Variants in PWWP3A observed in about 807,000 individuals in gnomAD.
PWWP3A encodes PWWP domain-containing DNA repair factor 3A.
A neutral mutation model predicts 79.0 loss-of-function variants in PWWP3A; 53 were observed. The ratio of observed to expected loss-of-function variants is 0.67; its 90% CI spans 0.54 to 0.84. PWWP3A has a LOEUF of 0.84. PWWP3A is among the 40% of genes least tolerant of loss of function. The pLI, the probability that PWWP3A is intolerant of heterozygous loss-of-function variation, is 0.00. For missense variants in PWWP3A, 973 were observed against 948.0 expected (o/e 1.03, Z -0.35); for synonymous variants, 443 against 394.4 (o/e 1.12, Z -1.46).
rs550627310 is a variant in PWWP3A at position 1,368,824 on chromosome 19, C to T, written c.1423-441C>T. On this transcript the variant is annotated intron_variant, in intron 9 of 13. Transcript: ENST00000591337. This position sits in a 1 kb window ranked among gnomAD's most constrained non-coding sequence, Gnocchi z 4.7. ...AGGGGAGGTGTTTGCACCGTCGATG[C>T]GTTCAGACCAGCCCAAGCCTTCGGG... Among the ~76,000 whole-genome samples the T allele has an allele frequency of 4.7e-5, 7 of 150,022 alleles. No individual in the cohort carries two copies. In the South Asian group the frequency reaches 8.4e-4, roughly 18 times the overall value.
At chr19:1,355,336 C>T (rs1263760954) in intron 1 of PWWP3A, among the ~76,000 whole-genome samples, 1 of 151,966 alleles carries the variant, frequency 6.6e-6, no homozygotes, top group Non-Finnish European at 1.5e-5. Context: ...ACTCCTTTTC[C>T]CGTCCCTGCC....
At chr19:1,375,550 T>TATATAATTTC (rs2082357082) in intron 13 of PWWP3A, among the ~76,000 whole-genome samples, 1 of 2,398 alleles carries the variant, frequency 4.2e-4, no homozygotes, top group Non-Finnish European at 7.5e-4. Context: ...ATATATAAAA[T>TATATAATTTC]ATATATTATA....
At chr19:1,365,404 C>T (rs1167384475) in intron 7 of PWWP3A, among the ~76,000 whole-genome samples, 3 of 152,218 alleles carry the variant, frequency 2.0e-5, no homozygotes, top group African/African-American at 4.8e-5. Context: ...TCCCTTTATC[C>T]TCCTAAGACA....
intron 11 of PWWP3A, 70 bp from the exon 12 acceptor site, chr19:1,370,572 G>A (rs2082231208): frequency 1.2e-5 from 16 of 1,358,640 alleles, no homozygotes; most frequent in South Asian, 8.6e-5. Flanking sequence ...GCCTCCCATC[G>A]GCCCTGACCC....
intron 12 of PWWP3A, 157 bp downstream of exon 12, chr19:1,371,235 G>A (rs1166883844): frequency 3.5e-6 from 3 of 845,986 alleles, no homozygotes; most frequent in Non-Finnish European, 5.8e-6. Context: ...TCCTGTCAGT[G>A]CTGGGAAATG....
chr19:1,376,300 T>TGG (rs1212355249), intron 13 of PWWP3A, among the ~76,000 whole-genome samples: 4 of 91,778 alleles, frequency 4.4e-5, no homozygotes, highest in Non-Finnish European at 6.3e-5. Flanking sequence ...TGTTTGTTTT[T>TGG]TTTTTTGTTT....
intron 6 of PWWP3A, chr19:1,364,235 A>G (rs2082081857): frequency 1.1e-5 from 7 of 611,538 alleles, no homozygotes; most frequent in Non-Finnish European, 2.2e-5. Flanking sequence ...CACCCCTCCC[A>G]TCCCAAGGGT....
At chr19:1,359,326 G>C (rs1002527331) in intron 4 of PWWP3A, 2 of 152,118 alleles carry the variant, frequency 1.3e-5, no homozygotes, top group Non-Finnish European at 2.9e-5. Flanking sequence ...CCGAAAAACA[G>C]CTCTTGTTTA....
At chr19:1,374,558 C>T (rs929755863) in intron 13 of PWWP3A, among the ~76,000 whole-genome samples, 3 of 152,148 alleles carry the variant, frequency 2.0e-5, no homozygotes, top group Admixed American at 6.5e-5. Flanking sequence ...TCTGGTGCTG[C>T]GGCCGGTGTG....
In PWWP3A at chr19:1,378,193, C is replaced by T. The variant is rs567537989; in HGVS notation, c.*1617C>T. Reference sequence around the variant, plus strand: ...TTCGGGGACTCGGGGCGGCCAGTACCACCGCCTGAGGCGGGGCTCAGCAGC... The same window carrying T: ...TTCGGGGACTCGGGGCGGCCAGTACTACCGCCTGAGGCGGGGCTCAGCAGC... On this transcript the variant is annotated 3_prime_UTR_variant, in exon 14 of 14. Transcript: ENST00000591337. The T allele has an allele frequency of 6.6e-6, 1 of 152,424 alleles. No individual in the cohort carries two copies. The highest frequency in any genetic ancestry group is 2.1e-4 in the South Asian group (1 of 4,830). The allele number at this position is 152,424 out of a possible 1,614,324, so 9.4% of individuals were successfully genotyped here.
chr19:1,359,878 T>C (rs1241569772), intron 4 of PWWP3A: 3 of 339,762 alleles, frequency 8.8e-6, no homozygotes, highest in Non-Finnish European at 1.6e-5. Flanking sequence ...GAATTTATCT[T>C]TTTAGCCAAT....
intron 12 of PWWP3A, chr19:1,371,494 G>A (rs976787528): frequency 1.3e-5 from 9 of 674,054 alleles, no homozygotes; most frequent in Non-Finnish European, 2.2e-5. Flanking sequence ...AGTGGATAAT[G>A]CGCCTCATAC....
At position 1,362,311 on chromosome 19, in the gene PWWP3A, C is replaced by T. The variant is rs748823480; in HGVS notation, c.1173C>T (p.Asp391=). ...CCATGCGTTCTATCCTGGAGGAAGA[C>T]GAGGAAGACGAGGAGCCACCAAGAG... is the stretch of plus-strand genomic sequence containing the variant. ...SNSMRSILEE[D]EEDEEPPRVL... Residue 391 remains aspartate (D), a synonymous_variant, in exon 6 of 14, where the codon GAC becomes GAT. Coordinates refer to ENST00000591337, the MANE Select transcript of PWWP3A (RefSeq NM_001369789.1). The T allele has an allele frequency of 1.2e-5, 20 of 1,613,566 alleles. No homozygotes were observed. Among genetic ancestry groups the T allele is most frequent in the African/African-American group, 4.0e-5 (3 of 74,866 alleles).
chr19:1,362,906 G>A (rs1470405399), intron 6 of PWWP3A, among the ~76,000 whole-genome samples: 3 of 152,230 alleles, frequency 2.0e-5, no homozygotes, highest in Non-Finnish European at 2.9e-5. Context: ...TGAGCCAGCC[G>A]CGAACAGAAA....
intron 2 of PWWP3A, 82 bp from the exon 3 acceptor site, chr19:1,356,927 G>C: frequency 1.8e-6 from 2 of 1,083,226 alleles, no homozygotes; most frequent in South Asian, 2.8e-5. Flanking sequence ...AGGATTACCT[G>C]CTGCATTTGT....
Position 1,369,722 on chromosome 19 carries a change from G to A in PWWP3A, c.1549+76G>A. On this transcript the variant is annotated intron_variant, in intron 11 of 13. Coordinates refer to ENST00000591337, the MANE Select transcript of PWWP3A (RefSeq NM_001369789.1). The surrounding 1 kb of genome is among the most constrained non-coding windows in gnomAD (Gnocchi z 4.0). ...AGAAAAACAATCTTCTATGTCTGAAGCTGTGGAAGGGGACGTTGGGGTCAA... is the reference window on the plus strand; with the variant it reads ...AGAAAAACAATCTTCTATGTCTGAAACTGTGGAAGGGGACGTTGGGGTCAA... 1.3e-6 allele frequency: 2 copies of A among 1,508,872 alleles called. No individual in the cohort carries two copies. 93.5% of individuals were successfully genotyped at this position (1,508,872 alleles called of 1,614,324 possible).
At chr19:1,376,229 G>A (rs2082389691) in intron 13 of PWWP3A, among the ~76,000 whole-genome samples, 2 of 145,492 alleles carry the variant, frequency 1.4e-5, no homozygotes, top group South Asian at 4.3e-4. Context: ...GGTTTCAAGC[G>A]ATTCTCCTAC....
rs2082381866 is a variant in PWWP3A at position 1,375,933 on chromosome 19, C to T, written c.2076-586C>T. On this transcript the variant is annotated intron_variant, in intron 13 of 13. Coordinates refer to ENST00000591337, the MANE Select transcript of PWWP3A (RefSeq NM_001369789.1). ...CAAGCGATTCTTCTGACTCAGCCTCCCGAGTGGCTAGGATTGCAGGTGCCC... is the reference window on the plus strand; with the variant it reads ...CAAGCGATTCTTCTGACTCAGCCTCTCGAGTGGCTAGGATTGCAGGTGCCC... Among the ~76,000 whole-genome samples, 4 of 150,612 alleles carry T rather than the reference C, an allele frequency of 2.7e-5. No homozygotes were observed. In the South Asian group the frequency reaches 6.2e-4, roughly 24 times the overall value.
chr19:1,371,120 T>A (rs940533471), intron 12 of PWWP3A, 42 bp downstream of exon 12: 8 of 1,545,772 alleles, frequency 5.2e-6, no homozygotes, highest in Non-Finnish European at 6.1e-6. Context: ...GGGAGGGGCC[T>A]GCGCTGGGAT....
Sources: gnomAD v4.1 joint callset for allele counts (sites outside exome capture counted in the v4.1 genomes callset) on GRCh38, gnomAD v4.1.1 for gene constraint, Gnocchi (gnomAD v3.1) non-coding constraint, MANE v1.5 for transcripts, NCBI Gene and HGNC (gene_info 2026-07-23, HGNC 2026-07-21) for gene names.